Variants in NSMCE2 observed in about 807,000 individuals in gnomAD.
NSMCE2 encodes E3 SUMO-protein ligase NSE2.
NSMCE2 carries 24 observed loss-of-function variants against 23.8 expected under a neutral mutation model. The ratio of observed to expected loss-of-function variants is 1.01; its 90% CI spans 0.73 to 1.42. The LOEUF (loss-of-function observed/expected upper bound fraction) is 1.42, where lower values mean the gene tolerates loss of function less well. Among genes scored for constraint, NSMCE2 ranks in the 40% most tolerant of loss-of-function variants. NSMCE2 has a pLI of 0.00. For synonymous variants in NSMCE2, 92 were observed against 94.1 expected (o/e 0.98, Z 0.13); for missense variants, 284 against 296.5 (o/e 0.96, Z 0.31).
chr8:125,127,259 G>T (rs754560187), intron 3 of NSMCE2, among the ~76,000 whole-genome samples: 4 of 152,132 alleles, frequency 2.6e-5, no homozygotes, highest in African/African-American at 9.7e-5. Context: ...AGTGGAAAAA[G>T]AATTTAAAGT....
chr8:125,242,113 A>G (rs1422850186), intron 5 of NSMCE2, among the ~76,000 whole-genome samples: 2 of 151,158 alleles, frequency 1.3e-5, no homozygotes, highest in African/African-American at 4.9e-5. Flanking sequence ...CTGGGGGGGG[A>G]GTTTGAGAAC....
chr8:125,179,816 A>G (rs186101507), intron 4 of NSMCE2, among the ~76,000 whole-genome samples: 191 of 152,260 alleles, frequency 1.3e-3, no homozygotes, highest in Non-Finnish European at 2.0e-3. Context: ...CCTCCTCAGC[A>G]GTGGTTGTAG....
At chr8:125,160,097 C>T (rs984358188) in intron 4 of NSMCE2, among the ~76,000 whole-genome samples, 12 of 151,988 alleles carry the variant, frequency 7.9e-5, no homozygotes, top group African/African-American at 2.2e-4. Flanking sequence ...ACAATAAAAA[C>T]GTGCATAGGA....
intron 5 of NSMCE2, among the ~76,000 whole-genome samples, chr8:125,343,219 A>G (rs554296501): frequency 5.3e-4 from 81 of 152,220 alleles, no homozygotes; most frequent in Non-Finnish European, 9.6e-4. Flanking sequence ...CAATCTGAGG[A>G]CAGCGCTGAG....
chr8:125,320,303 A>AAG (rs1829399006), intron 5 of NSMCE2, among the ~76,000 whole-genome samples: 1 of 117,964 alleles, frequency 8.5e-6, no homozygotes, highest in African/African-American at 3.1e-5. Flanking sequence ...GAAGGAAGGA[A>AAG]GGAAGGGAAG....
chr8:125,276,230 A>G (rs575130799), intron 5 of NSMCE2, among the ~76,000 whole-genome samples: 3 of 152,330 alleles, frequency 2.0e-5, no homozygotes, highest in African/African-American at 7.2e-5. Flanking sequence ...TACATTCTCA[A>G]TATAGCCTTC....
chr8:125,123,294 TC>T (rs1819356278), intron 3 of NSMCE2, among the ~76,000 whole-genome samples: 1 of 152,236 alleles, frequency 6.6e-6, no homozygotes. Flanking sequence ...TTTAGTTTCC[TC>T]CTTTCCAAAA....
chr8:125,181,162 C>T (rs1478043666), intron 4 of NSMCE2, among the ~76,000 whole-genome samples: 1 of 152,110 alleles, frequency 6.6e-6, no homozygotes, highest in Non-Finnish European at 1.5e-5. Context: ...GTGGCTAAAG[C>T]TGGAGGATGA....
chr8:125,327,004 T>C (rs540864058), intron 5 of NSMCE2, among the ~76,000 whole-genome samples: 3 of 149,530 alleles, frequency 2.0e-5, no homozygotes, highest in African/African-American at 7.4e-5. Context: ...GGCTCACACC[T>C]GTAATCCCAG....
intron 5 of NSMCE2, among the ~76,000 whole-genome samples, chr8:125,324,903 T>C (rs1387592282): frequency 6.7e-6 from 1 of 150,218 alleles, no homozygotes; most frequent in Non-Finnish European, 1.5e-5. Flanking sequence ...ATGATGCAAA[T>C]TGATGTAAGG....
chr8:125,283,052 G>A (rs955591055), intron 5 of NSMCE2, among the ~76,000 whole-genome samples: 1 of 152,144 alleles, frequency 6.6e-6, no homozygotes, highest in African/African-American at 2.4e-5. Flanking sequence ...GGTATATTAT[G>A]TAACCTCTCT....
chr8:125,117,606 C>T (rs1318229239), intron 3 of NSMCE2, among the ~76,000 whole-genome samples: 1 of 151,952 alleles, frequency 6.6e-6, no homozygotes, highest in Non-Finnish European at 1.5e-5. Context: ...TCTCTACTGC[C>T]CTGGCTCAAA....
intron 5 of NSMCE2, among the ~76,000 whole-genome samples, chr8:125,274,479 C>T (rs1827357694): frequency 6.6e-6 from 1 of 152,122 alleles, no homozygotes; most frequent in Non-Finnish European, 1.5e-5. Context: ...TCAGTTAACT[C>T]CATGTCACCT....
At chr8:125,355,333 G>A (rs1366774364) in intron 5 of NSMCE2, among the ~76,000 whole-genome samples, 8 of 152,084 alleles carry the variant, frequency 5.3e-5, no homozygotes, top group Admixed American at 5.2e-4. Context: ...AGGGAAGGGA[G>A]AAAAGAGTAG....
Position 125,240,149 on chromosome 8 carries a change from G to A in NSMCE2, c.418+57893G>A, listed in dbSNP as rs534507098. Among the ~76,000 whole-genome samples the A allele has an allele frequency of 1.1e-3, 152 of 134,248 alleles. 2 individuals are homozygous for A. Among genetic ancestry groups the A allele is most frequent in the African/African-American group, 4.0e-3 (144 of 35,850 alleles). 88.1% of individuals were successfully genotyped at this position (134,248 alleles called of 152,430 possible). On this transcript the variant is annotated intron_variant, in intron 5 of 7. Coordinates refer to ENST00000287437, the MANE Select transcript of NSMCE2 (RefSeq NM_173685.4). ...CTTTTTCTTTTTTTTTTTTTGAGAC[G>A]GAGTCTTGCTCTGTCTCCCAGGCTG...
chr8:125,220,474 T>C (rs1393785711), intron 5 of NSMCE2, among the ~76,000 whole-genome samples: 1 of 152,168 alleles, frequency 6.6e-6, no homozygotes, highest in Non-Finnish European at 1.5e-5. Context: ...ATTCTTGATA[T>C]TATTTGTTTT....
chr8:125,346,708 G>A (rs1475020803), intron 5 of NSMCE2, among the ~76,000 whole-genome samples: 2 of 152,168 alleles, frequency 1.3e-5, no homozygotes, highest in African/African-American at 4.8e-5. Flanking sequence ...AGTATTTCCA[G>A]TATTTATTGG....
chr8:125,270,629 A>G (rs777726998), intron 5 of NSMCE2: 1 of 152,368 alleles, frequency 6.6e-6, no homozygotes, highest in Non-Finnish European at 1.5e-5. Flanking sequence ...GCATACCTGT[A>G]GTCCCAGCAA....
intron 5 of NSMCE2, among the ~76,000 whole-genome samples, chr8:125,316,746 T>A (rs1385801930): frequency 2.1e-5 from 3 of 140,856 alleles, no homozygotes; most frequent in Non-Finnish European, 4.6e-5. Flanking sequence ...CTTCCTTCCT[T>A]CCTTCCTTCC....
Sources: gnomAD v4.1 joint callset for allele counts (sites outside exome capture counted in the v4.1 genomes callset) on GRCh38, gnomAD v4.1.1 for gene constraint, MANE v1.5 for transcripts, NCBI Gene and HGNC (gene_info 2026-07-23, HGNC 2026-07-21) for gene names.